DMD: variants seen among roughly 807,000 people sequenced by gnomAD.
The protein encoded by DMD is dystrophin.
DMD carries 63 observed loss-of-function variants against 330.1 expected under a neutral mutation model. That is an observed-to-expected ratio of 0.19 (90% CI 0.16 to 0.24). DMD has a LOEUF of 0.24. DMD is among the 10% of genes least tolerant of loss of function. DMD has a pLI of 1.00. For missense variants in DMD, 3,344 were observed against 2,684.1 expected, an observed-to-expected ratio of 1.25 and a Z score of -5.43; for synonymous variants, 1,223 against 959.8, an observed-to-expected ratio of 1.27 and a Z score of -5.07.
At chrX:31,992,246 G>C (rs1243149055) in intron 44 of DMD, among the ~76,000 whole-genome samples, 1 of 112,072 alleles carries the variant, frequency 8.9e-6, no homozygotes, top group Non-Finnish European at 1.9e-5. Context: ...TTACGGTTTT[G>C]TGTAGCTAGT....
intron 43 of DMD, among the ~76,000 whole-genome samples, chrX:32,270,785 G>T (rs990971171): frequency 1.8e-5 from 2 of 111,337 alleles, no homozygotes; most frequent in Non-Finnish European, 3.8e-5. Flanking sequence ...AGACATGTTT[G>T]GTCAACCTAC....
intron 44 of DMD, among the ~76,000 whole-genome samples, chrX:32,027,183 CAGAG>C (rs1557075867): frequency 0.012 from 1,122 of 97,505 alleles, 22 homozygotes; most frequent in African/African-American, 0.042. Context: ...CACACACACA[CAGAG>C]AGAGAGAGAG....
intron 16 of DMD, among the ~76,000 whole-genome samples, chrX:32,559,902 T>C (rs186606742): frequency 1.9e-3 from 207 of 111,390 alleles, no homozygotes; most frequent in Non-Finnish European, 3.3e-3. Flanking sequence ...ATAATCATTT[T>C]CTCTTTTTGG....
intron 59 of DMD, among the ~76,000 whole-genome samples, chrX:31,456,834 ATATG>A (rs1221795345): frequency 1.5e-5 from 1 of 67,082 alleles, no homozygotes; most frequent in East Asian, 5.1e-4. Flanking sequence ...GTGCCCACAT[ATATG>A]TGTGTGTGTG....
intron 17 of DMD, among the ~76,000 whole-genome samples, chrX:32,542,345 T>C (rs976644173): frequency 1.8e-5 from 2 of 111,632 alleles, no homozygotes; most frequent in African/African-American, 6.5e-5. Context: ...AGGCAGAGAA[T>C]TGCTTGAAAC....
intron 5 of DMD, among the ~76,000 whole-genome samples, chrX:32,818,331 C>A (rs982474350): frequency 9.0e-6 from 1 of 111,731 alleles, no homozygotes; most frequent in Admixed American, 9.5e-5. Context: ...AGCTTATCAG[C>A]CTCAGCCTCG....
chrX:32,144,518 A>G (rs1271677643), intron 44 of DMD, among the ~76,000 whole-genome samples: 2 of 111,783 alleles, frequency 1.8e-5, no homozygotes, highest in African/African-American at 3.2e-5. Flanking sequence ...TTAAAGTAAT[A>G]CATACGGATA....
At chrX:33,065,345 T>C (rs757553058) in intron 1 of DMD, among the ~76,000 whole-genome samples, 8 of 112,707 alleles carry the variant, frequency 7.1e-5, no homozygotes, top group Non-Finnish European at 1.3e-4. Context: ...ATGTTTGATA[T>C]GTTAAATATT....
intron 49 of DMD, among the ~76,000 whole-genome samples, chrX:31,825,734 C>A (rs1312275809): frequency 9.0e-6 from 1 of 111,537 alleles, no homozygotes; most frequent in Admixed American, 9.5e-5. Context: ...GATAACGACA[C>A]CCCTGAAAAT....
At chrX:33,136,424 G>A (rs1027727772) in intron 1 of DMD, among the ~76,000 whole-genome samples, 1 of 102,698 alleles carries the variant, frequency 9.7e-6, no homozygotes, top group Non-Finnish European at 2.0e-5. Flanking sequence ...TTGTCATCAC[G>A]AGTAGCAAGC....
rs10538343 is a variant in DMD, at chrX:31,563,053, C to CTATTTATT, written c.8218-55608_8218-55601dup. ...TAATGTTTCCAAAAACAATTTGTATCTATTTATTTATTTATTTATTTATTT... is the reference window on the plus strand; with the variant it reads ...TAATGTTTCCAAAAACAATTTGTATCTATTTATTTATTTATTTATTTATTTATTTATTT... On this transcript the variant is annotated intron_variant, in intron 55 of 78. Coordinates refer to ENST00000357033, the MANE Select transcript of DMD (RefSeq NM_004006.3). 7.4e-5 allele frequency among the ~76,000 whole-genome samples: 8 copies of CTATTTATT among 108,724 alleles called. No individual in the cohort carries two copies. In the South Asian group the frequency reaches 2.3e-3, roughly 32 times the overall value. 94.4% of individuals were successfully genotyped at this position (108,724 alleles called of 115,157 possible). A position where few individuals can be genotyped will look rare whatever the true frequency, so the allele number is the denominator to read the frequency against.
chrX:33,013,804 G>A (rs746360500), intron 2 of DMD, among the ~76,000 whole-genome samples: 141 of 99,439 alleles, frequency 1.4e-3, no homozygotes, highest in African/African-American at 4.6e-3. Flanking sequence ...ATGTTTACTG[G>A]GTGTGTGTAT....
At chrX:31,332,214 C>T (rs5927006) in intron 61 of DMD, among the ~76,000 whole-genome samples, 27,698 of 110,867 alleles carry the variant, frequency 0.25, 2,649 homozygotes, top group East Asian at 0.56. Flanking sequence ...GGCTCACAAC[C>T]CAACACATTT....
intron 51 of DMD, among the ~76,000 whole-genome samples, chrX:31,753,577 A>T (rs2088788881): frequency 1.8e-5 from 2 of 111,967 alleles, no homozygotes; most frequent in African/African-American, 6.5e-5. Context: ...ATTCACAAAC[A>T]TGAAAATATT....
chrX:32,278,982 T>C (rs773583863), intron 43 of DMD, among the ~76,000 whole-genome samples: 148 of 111,609 alleles, frequency 1.3e-3, no homozygotes, highest in African/African-American at 3.9e-3. Flanking sequence ...GTCTAATAAT[T>C]AGATCAGAAA....
chrX:33,050,533 G>A (rs965289123), intron 1 of DMD, among the ~76,000 whole-genome samples: 4 of 111,641 alleles, frequency 3.6e-5, no homozygotes, highest in Non-Finnish European at 7.5e-5. Context: ...ATTTTGAGAC[G>A]TCCAGGTCAA....
At chrX:32,508,018 A>G (rs1400772679) in intron 18 of DMD, among the ~76,000 whole-genome samples, 2 of 110,377 alleles carry the variant, frequency 1.8e-5, no homozygotes, top group Non-Finnish European at 3.8e-5. Context: ...CAGAATATAT[A>G]TCAGAGCAAA....
rs759751980 is a variant in DMD at position 32,023,549 on chromosome X, T to C, written c.6439-55035A>G. ...TAATGTTAAAGGAAGAGAATGGTGC[T>C]CCTAAAAAGAAAAGGGACATAAATA... On this transcript the variant is annotated intron_variant, in intron 44 of 78. Transcript: ENST00000357033. Among the ~76,000 whole-genome samples the C allele has an allele frequency of 4.5e-5, 5 of 111,922 alleles. No homozygotes were observed. The South Asian group carries it at 1.1e-3, about 25-fold the overall frequency.
chrX:32,399,796 G>A (rs1015635852), intron 30 of DMD, among the ~76,000 whole-genome samples: 13 of 111,502 alleles, frequency 1.2e-4, no homozygotes, highest in Non-Finnish European at 2.3e-4. Context: ...GTTTTATTGC[G>A]GCACTGTTCA....
Sources: allele counts gnomAD v4.1 joint callset (sites outside exome capture counted in the v4.1 genomes callset), GRCh38; gene constraint gnomAD v4.1.1; transcripts MANE v1.5; gene names NCBI Gene and HGNC (gene_info 2026-07-23, HGNC 2026-07-21).